The following CLSTN3 variants were observed in gnomAD, a reference collection of about 807,000 sequenced individuals.
CLSTN3 encodes the protein calsyntenin 3, also known as calsyntenin-3.
CLSTN3 carries 36 observed loss-of-function variants against 95.9 expected under a neutral mutation model. The observed-to-expected ratio is 0.38, with a 90% CI of 0.29 to 0.50. The LOEUF is 0.50. Ranked by LOEUF, CLSTN3 falls within the 20% of genes least tolerant of loss-of-function variation. CLSTN3 has a pLI of 0.95. For missense variants in CLSTN3, 1,084 were observed against 1,268.8 expected (o/e 0.85, Z 2.21); for synonymous variants, 481 against 504.0 (o/e 0.95, Z 0.61).
Position 7,158,129 on chromosome 12 carries a change from C to T in CLSTN3, c.*48C>T, listed in dbSNP as rs1250751208. ...GAGGGGGAATTCTGCCCTGGTGAAA[C>T]AGACACTCCAGACATGGGAGAAGGA... is the stretch of plus-strand genomic sequence containing the variant. On this transcript the variant is annotated 3_prime_UTR_variant, in exon 18 of 18. Coordinates refer to ENST00000266546, the MANE Select transcript of CLSTN3 (RefSeq NM_014718.4). 2 of 1,455,288 alleles carry T rather than the reference C, an allele frequency of 1.4e-6. No homozygotes were observed. The highest frequency in any genetic ancestry group is 2.5e-5 in the Admixed American group (1 of 39,260). 90.1% of individuals were successfully genotyped at this position (1,455,288 alleles called of 1,614,324 possible). A position where few individuals can be genotyped will look rare whatever the true frequency, so the allele number is the denominator to read the frequency against.
Position 7,135,805 on chromosome 12 carries a change from G to C in CLSTN3, c.594G>C (p.Gly198=), listed in dbSNP as rs1939401698. The part of the protein sequence containing the change: ...PNTPFLIDND[G]NIENTEKLQY... ...TCTGTCCTCCTGACCCCACCCCAGG[G>C]AACATTGAGAACACAGAGAAGCTGC... is the stretch of plus-strand genomic sequence containing the variant. The change falls in exon 5 of 18, where the codon GGG becomes GGC. Residue 198 remains glycine, a splice_region_variant and synonymous_variant. Coordinates refer to ENST00000266546, the MANE Select transcript of CLSTN3 (RefSeq NM_014718.4). The C allele has an allele frequency of 3.7e-6, 6 of 1,603,426 alleles. No homozygotes were observed. Among genetic ancestry groups the C allele is most frequent in the Non-Finnish European group, 4.3e-6 (5 of 1,174,378 alleles).
chr12:7,140,528 ACT>A (rs1189199329), intron 8 of CLSTN3, among the ~76,000 whole-genome samples: 59 of 151,990 alleles, frequency 3.9e-4, no homozygotes, highest in African/African-American at 1.4e-3. Context: ...GAGGCAGAGT[ACT>A]CTCTGCCCCT....
At chr12:7,130,850 C>T (rs1021230555) in intron 1 of CLSTN3, 138 bp downstream of exon 1, 2 of 753,508 alleles carry the variant, frequency 2.7e-6, no homozygotes, top group Non-Finnish European at 4.6e-6. Context: ...CCTTCCCATC[C>T]GTTCTCAGAC....
In CLSTN3 at chr12:7,149,013, A is replaced by C. The variant is rs778327955; in HGVS notation, c.1889A>C (p.Glu630Ala). 1.9e-6 allele frequency: 3 copies of C among 1,614,148 alleles called. No homozygotes were observed. The South Asian group carries it at 3.3e-5, about 18-fold the overall frequency. Residue 630 changes from glutamate (E) to alanine (A), a missense_variant, in exon 13 of 18, where the codon GAG becomes GCG. Physicochemically the swap from Glu to Ala is moderately radical, Grantham distance 107 (BLOSUM62 -1). Transcript: ENST00000266546. This position sits in a 1 kb window ranked among gnomAD's most constrained non-coding sequence, Gnocchi z 4.5. Reference protein sequence around the residue: ...EESCVSIPEVEGYVVVLQPDA... With the variant: ...EESCVSIPEVAGYVVVLQPDA... ...TCCTGCGTCTCCATCCCTGAAGTGG[A>C]GGGCTACGTGGTCGTCCTTCAGCCT... is the stretch of plus-strand genomic sequence containing the variant.
chr12:7,141,162 A>G lies in CLSTN3; in HGVS notation c.1324-80A>G. The G allele has an allele frequency of 7.0e-7, 1 of 1,430,564 alleles. No individual in the cohort carries two copies. The highest frequency in any genetic ancestry group is 9.6e-7 in the Non-Finnish European group (1 of 1,046,936). 88.6% of individuals were successfully genotyped at this position (1,430,564 alleles called of 1,614,324 possible). A position where few individuals can be genotyped will look rare whatever the true frequency, so the allele number is the denominator to read the frequency against. ...ATAAAGGGACTGTCCCCTGTCTCCC[A>G]GGAGATGGGGCAGTGCCTAGGGTTA... On this transcript the variant is annotated intron_variant, in intron 8 of 17. Coordinates refer to ENST00000266546, the MANE Select transcript of CLSTN3 (RefSeq NM_014718.4). This position sits in a 1 kb window ranked among gnomAD's most constrained non-coding sequence, Gnocchi z 4.1.
chr12:7,130,304 C>G, upstream of CLSTN3: 33 of 708,524 alleles, frequency 4.7e-5, no homozygotes, highest in South Asian at 8.5e-5. Context: ...AGCACCTGGT[C>G]CCCCCCCCTC....
chr12:7,139,678 C>T (rs1939494824), intron 8 of CLSTN3, among the ~76,000 whole-genome samples: 1 of 150,344 alleles, frequency 6.7e-6, no homozygotes, highest in Non-Finnish European at 1.5e-5. Flanking sequence ...GAGATGGAGT[C>T]TCACTCTGTC....
Position 7,158,886 on chromosome 12 carries a change from T to G in CLSTN3, c.*805T>G, listed in dbSNP as rs1213917302. 1.1e-4 allele frequency: 12 copies of G among 109,776 alleles called. No homozygotes were observed. Among genetic ancestry groups the G allele is most frequent in the East Asian group, 2.5e-4 (1 of 3,960 alleles). 6.8% of individuals were successfully genotyped at this position (109,776 alleles called of 1,614,324 possible). On this transcript the variant is annotated 3_prime_UTR_variant, in exon 18 of 18. Transcript: ENST00000266546. ...TGGGGCAGGGGCGGGGGGTTGGGTG[T>G]GGTGAGGGAGGGGACATATCCTAGG...
chr12:7,148,308 A>G (rs1344362863), intron 12 of CLSTN3, among the ~76,000 whole-genome samples: 1 of 152,238 alleles, frequency 6.6e-6, no homozygotes, highest in Admixed American at 6.5e-5. Flanking sequence ...TCCTGGGAGC[A>G]TCACTGCTGA....
chr12:7,157,613 A>G lies in CLSTN3; in HGVS notation c.2652A>G (p.Pro884=). ...GCGTCTCAGGGGCCGGCGGGCCTCC[A>G]GGGGCCTCCAGTGACCCCAAGGACC... is the stretch of plus-strand genomic sequence containing the variant. ...HRRVSGAGGP[P]GASSDPKDPD... is the part of the protein sequence containing the mutation. The change falls in exon 17 of 18, where the codon CCA becomes CCG. Residue 884 remains proline, a synonymous_variant. Coordinates refer to ENST00000266546, the MANE Select transcript of CLSTN3 (RefSeq NM_014718.4). This position sits in a 1 kb window ranked among gnomAD's most constrained non-coding sequence, Gnocchi z 5.9. 1.2e-6 allele frequency: 2 copies of G among 1,611,370 alleles called. No individual in the cohort carries two copies. The highest frequency in any genetic ancestry group is 1.7e-6 in the Non-Finnish European group (2 of 1,178,906).
Position 7,135,860 on chromosome 12 carries a change from A to C in CLSTN3, c.649A>C (p.Thr217Pro). ...QYSGERLYKF[T>P]VTAYDCGKKR... ...CAGTGGTGAGAGGCTCTATAAGTTT[A>C]CAGTGACAGCTTATGACTGTGGGAA... is the stretch of plus-strand genomic sequence containing the variant. The change falls in exon 5 of 18, where the codon ACA becomes CCA. Residue 217 changes from threonine (T) to proline (P), a missense_variant. Coordinates refer to ENST00000266546, the MANE Select transcript of CLSTN3 (RefSeq NM_014718.4). 6.2e-7 allele frequency: 1 copy of C among 1,613,986 alleles called. No homozygotes were observed. The highest frequency in any genetic ancestry group is 1.1e-5 in the South Asian group (1 of 91,078).
At chr12:7,144,656 C>T (rs10845616) in intron 12 of CLSTN3, among the ~76,000 whole-genome samples, 100,959 of 152,026 alleles carry the variant, frequency 0.66, 35,057 homozygotes, top group Non-Finnish European at 0.77. Context: ...AGGATTTCTG[C>T]GTTCCAATCT....
In CLSTN3 at chr12:7,141,299, C is replaced by A; in HGVS notation, c.1381C>A (p.Leu461Ile). Residue 461 changes from leucine to isoleucine, a missense_variant, in exon 9 of 18, where the codon CTC becomes ATC. Physicochemically the swap from Leu to Ile is conservative, Grantham distance 5. Coordinates refer to ENST00000266546, the MANE Select transcript of CLSTN3 (RefSeq NM_014718.4). This position sits in a 1 kb window ranked among gnomAD's most constrained non-coding sequence, Gnocchi z 4.1. The stretch of plus-strand genomic sequence containing the variant: ...GAACCTCGAGTTCCCCACAGTCACA[C>A]TCTATACCGACGGCATCTCCTTCGA... ...ALNLEFPTVT[L>I]YTDGISFDPA... The A allele has an allele frequency of 6.2e-7, 1 of 1,614,204 alleles. No homozygotes were observed. The highest frequency in any genetic ancestry group is 8.5e-7 in the Non-Finnish European group (1 of 1,180,028).
In CLSTN3 at chr12:7,158,887, G is replaced by A. The variant is rs760874328; in HGVS notation, c.*806G>A. 16 of 151,434 alleles carry A rather than the reference G, an allele frequency of 1.1e-4. No individual in the cohort carries two copies. Among genetic ancestry groups the A allele is most frequent in the African/African-American group, 3.6e-4 (15 of 41,188 alleles). 9.4% of individuals were successfully genotyped at this position (151,434 alleles called of 1,614,324 possible). A position where few individuals can be genotyped will look rare whatever the true frequency, so the allele number is the denominator to read the frequency against. The stretch of plus-strand genomic sequence containing the variant: ...GGGGCAGGGGCGGGGGGTTGGGTGT[G>A]GTGAGGGAGGGGACATATCCTAGGG... On this transcript the variant is annotated 3_prime_UTR_variant, in exon 18 of 18. Transcript: ENST00000266546.
Position 7,141,951 on chromosome 12 carries a change from C to A in CLSTN3, c.1487-135C>A. 1 of 665,960 alleles carries A rather than the reference C, an allele frequency of 1.5e-6. No individual in the cohort carries two copies. The highest frequency in any genetic ancestry group is 2.5e-6 in the Non-Finnish European group (1 of 395,758). The allele number at this position is 665,960 out of a possible 1,614,324, so 41.3% of individuals were successfully genotyped here. A position where few individuals can be genotyped will look rare whatever the true frequency, so the allele number is the denominator to read the frequency against. On this transcript the variant is annotated intron_variant, in intron 9 of 17. Transcript: ENST00000266546. This position sits in a 1 kb window ranked among gnomAD's most constrained non-coding sequence, Gnocchi z 4.1. The stretch of plus-strand genomic sequence containing the variant: ...CTGAGCTGAGAGGTTGCAAGTTATA[C>A]ATGGGCAGGGTCAGAATCCCATGTG...
rs762510627 is a variant in CLSTN3 at position 7,137,944 on chromosome 12, TG to T, written c.1211-10del. On this transcript the variant is annotated splice_polypyrimidine_tract_variant and intron_variant, in intron 7 of 17. Transcript: ENST00000266546. The surrounding 1 kb of genome is among the most constrained non-coding windows in gnomAD (Gnocchi z 4.4). ...TCTGCACTTGACCCCATCCCCTTCC[TG>T]TGCCCTCAGAGGACGGCTTCTCTCA... 1.2e-6 allele frequency: 2 copies of T among 1,609,656 alleles called. No homozygotes were observed. Among genetic ancestry groups the T allele is most frequent in the Non-Finnish European group, 8.5e-7 (1 of 1,176,198 alleles).
chr12:7,137,895 T>C lies in CLSTN3; in HGVS notation c.1211-60T>C, dbSNP rs1004322639. The C allele has an allele frequency of 8.0e-7, 1 of 1,254,100 alleles. No individual in the cohort carries two copies. The highest frequency in any genetic ancestry group is 1.2e-6 in the Non-Finnish European group (1 of 860,690). The allele number at this position is 1,254,100 out of a possible 1,614,324, so 77.7% of individuals were successfully genotyped here. A position where few individuals can be genotyped will look rare whatever the true frequency, so the allele number is the denominator to read the frequency against. ...TCCAACATCCTCTCCTTCCTGCTGC[T>C]TTGAACTTGTTCTGGCCTCAGCCTC... On this transcript the variant is annotated intron_variant, in intron 7 of 17. Transcript: ENST00000266546. This position sits in a 1 kb window ranked among gnomAD's most constrained non-coding sequence, Gnocchi z 4.4.
At chr12:7,153,797 C>T (rs1409262780) in intron 16 of CLSTN3, among the ~76,000 whole-genome samples, 1 of 152,128 alleles carries the variant, frequency 6.6e-6, no homozygotes, top group Non-Finnish European at 1.5e-5. Flanking sequence ...TCCTTACTTT[C>T]TTTGGTATAA....
At position 7,137,415 on chromosome 12, in the gene CLSTN3, C is replaced by T; in HGVS notation, c.1210+305C>T. 2.6e-6 allele frequency: 1 copy of T among 384,750 alleles called. No individual in the cohort carries two copies. The highest frequency in any genetic ancestry group is 4.9e-6 in the Non-Finnish European group (1 of 206,064). 23.8% of individuals were successfully genotyped at this position (384,750 alleles called of 1,614,324 possible). A position where few individuals can be genotyped will look rare whatever the true frequency, so the allele number is the denominator to read the frequency against. On this transcript the variant is annotated intron_variant, in intron 7 of 17. Coordinates refer to ENST00000266546, the MANE Select transcript of CLSTN3 (RefSeq NM_014718.4). This position sits in a 1 kb window ranked among gnomAD's most constrained non-coding sequence, Gnocchi z 4.4. ...CCCCATCTCCACCTCCATTAAAGCC[C>T]CTCCATTGCAATGGGAAAGCCTGGG...
Sources: allele counts gnomAD v4.1 joint callset (sites outside exome capture counted in the v4.1 genomes callset), GRCh38; gene constraint gnomAD v4.1.1; non-coding constraint Gnocchi (gnomAD v3.1); transcripts MANE v1.5; gene names NCBI Gene and HGNC (gene_info 2026-07-23, HGNC 2026-07-21).